The following TP63 variants were observed in gnomAD, a reference collection of about 807,000 sequenced individuals.
TP63 encodes tumor protein 63.
TP63 carries 17 observed loss-of-function variants against 82.8 expected under a neutral mutation model. That is an observed-to-expected ratio of 0.21 (90% CI 0.14 to 0.31). TP63 has a LOEUF of 0.31. TP63 is among the 10% of genes least tolerant of loss of function. The probability of loss-of-function intolerance (pLI) is 1.00; values close to 1 mark genes in which losing one functional copy is unlikely to be tolerated. For missense variants in TP63, 648 were observed against 895.3 expected (o/e 0.72, Z 3.52); for synonymous variants, 330 against 321.7 (o/e 1.03, Z -0.28).
At chr3:189,790,377 C>G (rs901552378) in intron 3 of TP63, among the ~76,000 whole-genome samples, 6 of 151,974 alleles carry the variant, frequency 3.9e-5, no homozygotes, top group African/African-American at 1.4e-4. Context: ...GCTGTGATAA[C>G]GTTTCTGTCG....
At chr3:189,599,609 T>C in the TP63 span, among the ~76,000 whole-genome samples, 1 of 152,328 alleles carries the variant, frequency 6.6e-6, no homozygotes, top group South Asian at 2.1e-4. Context: ...CAGTCATGAT[T>C]AATGAGGTCT....
intron 3 of TP63, among the ~76,000 whole-genome samples, chr3:189,767,895 T>A (rs1386975141): frequency 6.6e-6 from 1 of 152,186 alleles, no homozygotes; most frequent in Non-Finnish European, 1.5e-5. Flanking sequence ...ATCTGACACA[T>A]GTCACTAACC....
chr3:189,774,917 C>A (rs997485182), intron 3 of TP63, among the ~76,000 whole-genome samples: 1 of 152,022 alleles, frequency 6.6e-6, no homozygotes, highest in Non-Finnish European at 1.5e-5. Context: ...AAATCTTTTC[C>A]CATAGAAAGG....
intron 4 of TP63, among the ~76,000 whole-genome samples, chr3:189,840,382 T>TC (rs1304157681): frequency 4.4e-5 from 6 of 137,794 alleles, no homozygotes; most frequent in Non-Finnish European, 4.7e-5. Context: ...TTTTTTTTTT[T>TC]TTTTTACAAA....
At chr3:189,887,496 G>GT (rs1720576944) in intron 11 of TP63, among the ~76,000 whole-genome samples, 1 of 152,096 alleles carries the variant, frequency 6.6e-6, no homozygotes, top group African/African-American at 2.4e-5. Flanking sequence ...AAAAGGCACT[G>GT]TAAGAATTGG....
At chr3:189,803,743 A>G (rs1211988145) in intron 3 of TP63, among the ~76,000 whole-genome samples, 1 of 152,246 alleles carries the variant, frequency 6.6e-6, no homozygotes, top group Non-Finnish European at 1.5e-5. Flanking sequence ...TCCAGGGTCC[A>G]AACAGTGATT....
At chr3:189,609,334 A>G in the TP63 span, among the ~76,000 whole-genome samples, 14 of 152,190 alleles carry the variant, frequency 9.2e-5, no homozygotes, top group Non-Finnish European at 1.9e-4. Context: ...TGCATAAATA[A>G]GAATCAAACC....
chr3:189,705,516 C>G (rs912879258), intron 1 of TP63, among the ~76,000 whole-genome samples: 4 of 151,468 alleles, frequency 2.6e-5, no homozygotes, highest in Non-Finnish European at 5.9e-5. Context: ...GTTGGTAATA[C>G]CTAAAACACA....
At chr3:189,716,368 G>T (rs1251810071) in intron 1 of TP63, among the ~76,000 whole-genome samples, 2 of 152,122 alleles carry the variant, frequency 1.3e-5, no homozygotes, top group African/African-American at 4.8e-5. Flanking sequence ...AATTTGTTTA[G>T]ATTCTTAGTC....
intron 1 of TP63, among the ~76,000 whole-genome samples, chr3:189,702,831 T>G (rs1717912713): frequency 6.6e-6 from 1 of 152,240 alleles, no homozygotes; most frequent in African/African-American, 2.4e-5. Flanking sequence ...ATAAGTTTTA[T>G]CTTACAGCAC....
intron 1 of TP63, among the ~76,000 whole-genome samples, chr3:189,659,072 T>A (rs1183081288): frequency 1.3e-5 from 2 of 152,078 alleles, no homozygotes; most frequent in Non-Finnish European, 2.9e-5. Context: ...TTTTAATTAT[T>A]TCAACTTTTA....
chr3:189,631,579 T>A lies in TP63; in HGVS notation c.62+2T>A. 6.2e-7 allele frequency: 1 copy of A among 1,612,808 alleles called. No homozygotes were observed. Among genetic ancestry groups the A allele is most frequent in the Non-Finnish European group, 8.5e-7 (1 of 1,179,040 alleles). The stretch of plus-strand genomic sequence containing the variant: ...CTGCCCTGACCCTTACATCCAGCGG[T>A]GAGTTTGAATGTGACATAACTTCTC... On this transcript the variant is annotated splice_donor_variant, in intron 1 of 13. Coordinates refer to ENST00000264731, the MANE Select transcript of TP63 (RefSeq NM_003722.5). LOFTEE classifies it high-confidence loss of function.
In TP63 at chr3:189,896,665, G is replaced by A. The variant is rs944681799; in HGVS notation, c.*2163G>A. 1.5e-5 allele frequency: 3 copies of A among 205,254 alleles called. No individual in the cohort carries two copies. The highest frequency in any genetic ancestry group is 2.3e-5 in the African/African-American group (1 of 43,798). The allele number at this position is 205,254 out of a possible 1,614,324, so 12.7% of individuals were successfully genotyped here. On this transcript the variant is annotated 3_prime_UTR_variant, in exon 14 of 14. Transcript: ENST00000264731. ...GGGTTTGAATAAACCTAGGACTTCC[G>A]AGCTATGTCAGTACTATTCAGGTAA...
chr3:189,617,709 TG>T, the TP63 span, among the ~76,000 whole-genome samples: 1 of 152,182 alleles, frequency 6.6e-6, no homozygotes, highest in Non-Finnish European at 1.5e-5. Context: ...CTTGGCATAG[TG>T]AGTAGAGGGC....
rs1729451583 is a variant in TP63, at chr3:189,631,478, T to C, written c.-38T>C. 2 of 1,611,902 alleles carry C rather than the reference T, an allele frequency of 1.2e-6. No individual in the cohort carries two copies. Among genetic ancestry groups the C allele is most frequent in the Non-Finnish European group, 1.7e-6 (2 of 1,178,500 alleles). On this transcript the variant is annotated 5_prime_UTR_variant, in exon 1 of 14. Transcript: ENST00000264731. ...GGTATATGTGTATATTTTATATAATTGTTCTCCGTTCGTTGATATCAAAGA... is the reference window on the plus strand; with the variant it reads ...GGTATATGTGTATATTTTATATAATCGTTCTCCGTTCGTTGATATCAAAGA...
At chr3:189,627,478 C>T (rs949727828), upstream of TP63, among the ~76,000 whole-genome samples, 1 of 152,116 alleles carries the variant, frequency 6.6e-6, no homozygotes, top group Admixed American at 6.6e-5. Flanking sequence ...GATATTCTAG[C>T]ATTGTATTGT....
chr3:189,756,771 G>A (rs1722219857), intron 3 of TP63, among the ~76,000 whole-genome samples: 2 of 152,140 alleles, frequency 1.3e-5, no homozygotes, highest in African/African-American at 4.8e-5. Context: ...GGAAATGATA[G>A]CCCCAGGGAA....
At chr3:189,651,107 T>G (rs1358656776) in intron 1 of TP63, among the ~76,000 whole-genome samples, 1 of 147,586 alleles carries the variant, frequency 6.8e-6, no homozygotes, top group Non-Finnish European at 1.5e-5. Flanking sequence ...CATTTTGCCC[T>G]GCCCTAGAGA....
intron 1 of TP63, among the ~76,000 whole-genome samples, chr3:189,663,020 T>C (rs911746245): frequency 2.8e-4 from 42 of 152,014 alleles, no homozygotes; most frequent in African/African-American, 9.9e-4. Context: ...CTGAATTTTT[T>C]TTTGCAAATT....
Sources: allele counts gnomAD v4.1 joint callset (sites outside exome capture counted in the v4.1 genomes callset), GRCh38; gene constraint gnomAD v4.1.1; transcripts MANE v1.5; gene names NCBI Gene and HGNC (gene_info 2026-07-23, HGNC 2026-07-21).